The following BAP1 variants were observed in gnomAD, a reference collection of about 807,000 sequenced individuals.
BAP1 encodes BRCA1 associated deubiquitinase 1, also known as ubiquitin carboxyl-terminal hydrolase BAP1.
A neutral mutation model predicts 77.2 loss-of-function variants in BAP1; 16 were observed. The ratio of observed to expected loss-of-function variants is 0.21; its 90% CI spans 0.14 to 0.31. The LOEUF (loss-of-function observed/expected upper bound fraction) is 0.31. BAP1 is among the 10% of genes least tolerant of loss of function. The probability of loss-of-function intolerance (pLI) is 1.00; values close to 1 mark genes in which losing one functional copy is unlikely to be tolerated. For missense variants in BAP1, 699 were observed against 967.3 expected (o/e 0.72, Z 3.68); for synonymous variants, 362 against 385.2 (o/e 0.94, Z 0.71).
chr3:52,403,882 C>T lies in BAP1; in HGVS notation c.1263G>A (p.Lys421=). 1 of 1,614,102 alleles carries T rather than the reference C, an allele frequency of 6.2e-7. No individual in the cohort carries two copies. The highest frequency in any genetic ancestry group is 8.5e-7 in the Non-Finnish European group (1 of 1,180,022). The change falls in exon 13 of 17, where the codon AAG becomes AAA. Residue 421 remains lysine (K), a synonymous_variant. Transcript: ENST00000460680. This position sits in a 1 kb window ranked among gnomAD's most constrained non-coding sequence, Gnocchi z 4.0. ...NTNSALRYKG[K]GTGKPGALSG... ...TCAATGCCCCTGGCTTCCCTGTTCC[C>T]TTCCCCTTATACCTGTGGGGCCCGA...
rs755513014 is a variant in BAP1, at chr3:52,409,801, C to T, written c.37+41G>A. ...TCAGGCAGGCGCGTCCCGGGCCCAT[C>T]CGGCCTCCCCAGCCCCTGGCCCTCC... On this transcript the variant is annotated intron_variant, in intron 1 of 16. Coordinates refer to ENST00000460680, the MANE Select transcript of BAP1 (RefSeq NM_004656.4). 10 of 1,612,882 alleles carry T rather than the reference C, an allele frequency of 6.2e-6. No homozygotes were observed. In the South Asian group the frequency reaches 8.8e-5, roughly 14 times the overall value.
At chr3:52,407,072 A>C (rs1705189362) in intron 7 of BAP1, 102 bp downstream of exon 7, 1 of 1,586,686 alleles carries the variant, frequency 6.3e-7, no homozygotes, top group African/African-American at 1.3e-5. Flanking sequence ...GTCGGTACCG[A>C]CAACCCCTGC....
chr3:52,409,369 A>G (rs1018151570), intron 3 of BAP1, among the ~76,000 whole-genome samples, 185 bp downstream of exon 3: 4 of 152,310 alleles, frequency 2.6e-5, no homozygotes, highest in South Asian at 2.1e-4. Context: ...AGCGCTAAGG[A>G]AAGTTTGGGA....
At position 52,408,538 on chromosome 3, in the gene BAP1, G is replaced by T; in HGVS notation, c.191C>A (p.Thr64Asn). The change falls in exon 4 of 17, where the codon ACC (threonine) becomes AAC (asparagine). Residue 64 changes from threonine to asparagine, a missense_variant. Around this residue, in one of 3 missense-constraint regions of BAP1, gnomAD observed 160 missense variants for 322.8 expected, o/e 0.50. Transcript: ENST00000460680. Reference sequence around the variant, plus strand: ...AATCACGGACGTATCATCCACCAAGGTAGAGACCTTTCGCCGGGACCGGCG... The same window carrying T: ...AATCACGGACGTATCATCCACCAAGTTAGAGACCTTTCGCCGGGACCGGCG... ...EERRSRRKVS[T>N]LVDDTSVIDD... 1 of 1,612,262 alleles carries T rather than the reference G, an allele frequency of 6.2e-7. No individual in the cohort carries two copies. The highest frequency in any genetic ancestry group is 8.5e-7 in the Non-Finnish European group (1 of 1,179,244).
intron 5 of BAP1, 117 bp from the exon 6 acceptor site, chr3:52,407,577 G>C (rs929028281): frequency 2.8e-6 from 4 of 1,421,742 alleles, no homozygotes; most frequent in South Asian, 1.2e-5. Flanking sequence ...AAGGAACACA[G>C]ACGAACTTTC....
At position 52,407,464 on chromosome 3, in the gene BAP1, C is replaced by T. The variant is rs369277958; in HGVS notation, c.376-4G>A. Reference sequence around the variant, plus strand: ...TGCCAATCGCATATCCTTTGCTCTACGGGGAAGAAAATAAGGCCGTATCAG... The same window carrying T: ...TGCCAATCGCATATCCTTTGCTCTATGGGGAAGAAAATAAGGCCGTATCAG... On this transcript the variant is annotated splice_polypyrimidine_tract_variant and splice_region_variant and intron_variant, in intron 5 of 16. Coordinates refer to ENST00000460680, the MANE Select transcript of BAP1 (RefSeq NM_004656.4). The T allele has an allele frequency of 2.3e-4, 377 of 1,614,120 alleles. No homozygotes were observed. The highest frequency in any genetic ancestry group is 4.5e-4 in the East Asian group (20 of 44,890).
chr3:52,408,620 G>A lies in BAP1; in HGVS notation c.123-14C>T, dbSNP rs1705242227. 6.2e-7 allele frequency: 1 copy of A among 1,607,228 alleles called. No homozygotes were observed. Among genetic ancestry groups the A allele is most frequent in the Non-Finnish European group, 8.5e-7 (1 of 1,176,850 alleles). ...CCATATACAGGGCTGGGGGAAGTAA[G>A]GGGCAGAGCCAGATCAGCCAAAGGG... On this transcript the variant is annotated splice_polypyrimidine_tract_variant and intron_variant, in intron 3 of 16. Coordinates refer to ENST00000460680, the MANE Select transcript of BAP1 (RefSeq NM_004656.4).
In BAP1 at chr3:52,406,411, C is replaced by G. The variant is rs369980498; in HGVS notation, c.660-35G>C. 4.4e-5 allele frequency: 71 copies of G among 1,610,400 alleles called. No homozygotes were observed. The highest frequency in any genetic ancestry group is 5.8e-5 in the Non-Finnish European group (68 of 1,179,874). On this transcript the variant is annotated intron_variant, in intron 8 of 16. Coordinates refer to ENST00000460680, the MANE Select transcript of BAP1 (RefSeq NM_004656.4). This position sits in a 1 kb window ranked among gnomAD's most constrained non-coding sequence, Gnocchi z 4.6. ...CAGCCGCAGCCGTGAGAGCAGCTCC[C>G]GCCCCGGCCCCGCCATCAGGTTGAG...
Position 52,406,513 on chromosome 3 carries a change from G to T in BAP1, c.660-137C>A. On this transcript the variant is annotated intron_variant, in intron 8 of 16. Transcript: ENST00000460680. This position sits in a 1 kb window ranked among gnomAD's most constrained non-coding sequence, Gnocchi z 4.6. ...GGCCCCACCCCAACAGGCAGGCAGC[G>T]ACTAGCCATACATGCCAGGCACCTG... 1 of 1,359,074 alleles carries T rather than the reference G, an allele frequency of 7.4e-7. No individual in the cohort carries two copies. Among genetic ancestry groups the T allele is most frequent in the Non-Finnish European group, 1.0e-6 (1 of 986,056 alleles). The allele number at this position is 1,359,074 out of a possible 1,614,324, so 84.2% of individuals were successfully genotyped here.
At position 52,402,927 on chromosome 3, in the gene BAP1, C is replaced by A. The variant is rs767198116; in HGVS notation, c.1891-56G>T. The A allele has an allele frequency of 1.7e-5, 27 of 1,612,634 alleles. No homozygotes were observed. The East Asian group carries it at 5.6e-4, about 33-fold the overall frequency. On this transcript the variant is annotated intron_variant, in intron 14 of 16. Coordinates refer to ENST00000460680, the MANE Select transcript of BAP1 (RefSeq NM_004656.4). The surrounding 1 kb of genome is among the most constrained non-coding windows in gnomAD (Gnocchi z 5.3). Reference sequence around the variant, plus strand: ...GGGGCGGGCCAGCAACAAAGCCCCACGAGCAATAGGCAGCTAGAGGCAAGG... The same window carrying A: ...GGGGCGGGCCAGCAACAAAGCCCCAAGAGCAATAGGCAGCTAGAGGCAAGG...
In BAP1 at chr3:52,407,187, G is replaced by A. The variant is rs2153227776; in HGVS notation, c.567C>T (p.Tyr189=). Residue 189 remains tyrosine, a synonymous_variant, in exon 7 of 17, where the codon TAC becomes TAT. Transcript: ENST00000460680. ...CATGGTGCCTACCATGGTCAATGGG[G>A]TAGACCTTCAGCCCATCCAGCTCAA... The part of the protein sequence containing the change: ...RLFELDGLKV[Y]PIDHGPWGED... 1 of 1,614,050 alleles carries A rather than the reference G, an allele frequency of 6.2e-7. No individual in the cohort carries two copies. Among genetic ancestry groups the A allele is most frequent in the Non-Finnish European group, 8.5e-7 (1 of 1,180,026 alleles).
Position 52,402,499 on chromosome 3 carries a change from G to GC in BAP1, c.2057-79dup. The GC allele has an allele frequency of 6.2e-7, 1 of 1,603,400 alleles. No homozygotes were observed. Among genetic ancestry groups the GC allele is most frequent in the Non-Finnish European group, 8.5e-7 (1 of 1,174,936 alleles). On this transcript the variant is annotated intron_variant, in intron 16 of 16. Transcript: ENST00000460680. This position sits in a 1 kb window ranked among gnomAD's most constrained non-coding sequence, Gnocchi z 5.3. ...CTGAGGCTCTCATGGCCCTCCCTGT[G>GC]CCCCAAGGTCTGCTCAAGCCTCAGG...
rs2153227437 is a variant in BAP1, at chr3:52,406,280, A to G, written c.756T>C (p.Arg252=). 6.2e-7 allele frequency: 1 copy of G among 1,614,162 alleles called. No individual in the cohort carries two copies. Among genetic ancestry groups the G allele is most frequent in the East Asian group, 2.2e-5 (1 of 44,896 alleles). The stretch of plus-strand genomic sequence containing the variant: ...GCTGCAGAGCCTCTAGTACTGTCTG[A>G]CGGTTCACCTTCAGCACATGCAGCC... ...EARLHVLKVN[R]QTVLEALQQL... The change falls in exon 9 of 17, where the codon CGT becomes CGC. Residue 252 remains arginine, a synonymous_variant. Transcript: ENST00000460680. The surrounding 1 kb of genome is among the most constrained non-coding windows in gnomAD (Gnocchi z 4.6).
In BAP1 at chr3:52,403,806, C is replaced by T. The variant is rs762654322; in HGVS notation, c.1339G>A (p.Val447Ile). 2.1e-5 allele frequency: 34 copies of T among 1,613,954 alleles called. No homozygotes were observed. Among genetic ancestry groups the T allele is most frequent in the South Asian group, 1.3e-4 (12 of 91,086 alleles). The change falls in exon 13 of 17, where the codon GTC becomes ATC. Residue 447 changes from valine to isoleucine, a missense_variant. Physicochemically the swap from Val to Ile is conservative, Grantham distance 29. Around this residue, in one of 3 missense-constraint regions of BAP1, gnomAD observed 475 missense variants for 532.4 expected, o/e 0.89. Coordinates refer to ENST00000460680, the MANE Select transcript of BAP1 (RefSeq NM_004656.4). This position sits in a 1 kb window ranked among gnomAD's most constrained non-coding sequence, Gnocchi z 4.0. ...GACTCTTTGAGCTTCTCAGCCAAGACGTTGATGGTGTTGGGCTGCAGCACT... is the reference window on the plus strand; with the variant it reads ...GACTCTTTGAGCTTCTCAGCCAAGATGTTGATGGTGTTGGGCTGCAGCACT... The part of the protein sequence containing the change: ...LSVLQPNTIN[V>I]LAEKLKESQK...
At position 52,406,317 on chromosome 3, in the gene BAP1, T is replaced by G; in HGVS notation, c.719A>C (p.Lys240Thr). Residue 240 changes from lysine (K) to threonine (T), a missense_variant, in exon 9 of 17, where the codon AAG becomes ACG. By Grantham distance (78) the Lys-to-Thr change is moderately conservative. Coordinates refer to ENST00000460680, the MANE Select transcript of BAP1 (RefSeq NM_004656.4). The surrounding 1 kb of genome is among the most constrained non-coding windows in gnomAD (Gnocchi z 4.6). ...LMAVVPDRRI[K>T]YEARLHVLKV... Reference sequence around the variant, plus strand: ...CAGCACATGCAGCCTGGCCTCATACTTGATCCTGCGGTCGGGCACCACTGC... The same window carrying G: ...CAGCACATGCAGCCTGGCCTCATACGTGATCCTGCGGTCGGGCACCACTGC... 6.2e-7 allele frequency: 1 copy of G among 1,614,188 alleles called. No homozygotes were observed. Among genetic ancestry groups the G allele is most frequent in the African/African-American group, 1.3e-5 (1 of 75,058 alleles).
At chr3:52,407,148 A>G (rs1256684437) in intron 7 of BAP1, 26 bp downstream of exon 7, 2 of 1,612,986 alleles carry the variant, frequency 1.2e-6, no homozygotes, top group African/African-American at 2.7e-5. Flanking sequence ...GAGACACCCA[A>G]CAGGCCTCCA....
Position 52,404,524 on chromosome 3 carries a change from C to A in BAP1, c.1179G>T (p.Gln393His), listed in dbSNP as rs771803950. ...RSRVPVRPPQ[Q>H]YSDDEDDYED... ...CATAGTCATCCTCATCATCTGAGTA[C>A]TGCTGGGGTGGGCGGACTGGAACTC... Residue 393 changes from glutamine (Q) to histidine (H), a missense_variant, in exon 12 of 17, where the codon CAG (glutamine) becomes CAT (histidine). Around this residue, in one of 3 missense-constraint regions of BAP1, gnomAD observed 475 missense variants for 532.4 expected, o/e 0.89. Coordinates refer to ENST00000460680, the MANE Select transcript of BAP1 (RefSeq NM_004656.4). 4.3e-6 allele frequency: 7 copies of A among 1,614,036 alleles called. No homozygotes were observed. The Admixed American group carries it at 1.0e-4, about 23-fold the overall frequency.
rs2153226242 is a variant in BAP1 at position 52,402,707 on chromosome 3, G to A, written c.1984-33C>T. The A allele has an allele frequency of 1.9e-6, 3 of 1,614,008 alleles. No homozygotes were observed. The highest frequency in any genetic ancestry group is 2.5e-6 in the Non-Finnish European group (3 of 1,179,824). On this transcript the variant is annotated intron_variant, in intron 15 of 16. Coordinates refer to ENST00000460680, the MANE Select transcript of BAP1 (RefSeq NM_004656.4). The surrounding 1 kb of genome is among the most constrained non-coding windows in gnomAD (Gnocchi z 5.3). ...AGAGAAGAAGACTGAGAGCACTGGA[G>A]CCAATCTTGCCAGAGCAGCCACCAG... is the stretch of plus-strand genomic sequence containing the variant.
At chr3:52,409,814 C>G (rs368881929) in intron 1 of BAP1, 28 bp downstream of exon 1, 1 of 1,613,006 alleles carries the variant, frequency 6.2e-7, no homozygotes, top group African/African-American at 1.3e-5. Flanking sequence ...GCCTCCCCAG[C>G]CCCTGGCCCT....
Sources: gnomAD v4.1 joint callset for allele counts (sites outside exome capture counted in the v4.1 genomes callset) on GRCh38, gnomAD v4.1.1 for gene constraint, gnomAD v4.1.1 regional missense constraint, Gnocchi (gnomAD v3.1) non-coding constraint, MANE v1.5 for transcripts, NCBI Gene and HGNC (gene_info 2026-07-23, HGNC 2026-07-21) for gene names.